Variants in MICU1 observed in about 807,000 individuals in gnomAD.
The protein encoded by MICU1 is calcium uptake protein 1, mitochondrial.
Under a neutral mutation model 56.8 loss-of-function variants are expected in MICU1, and 45 were observed. The observed-to-expected ratio is 0.79, with a 90% CI of 0.62 to 1.02. MICU1 has a LOEUF of 1.02. MICU1 is among the 50% of genes least tolerant of loss of function. The pLI, the probability that MICU1 is intolerant of heterozygous loss-of-function variation, is 0.00. For missense variants in MICU1, 504 were observed against 587.1 expected (o/e 0.86, Z 1.46); for synonymous variants, 186 against 195.1 (o/e 0.95, Z 0.39).
At chr10:72,416,266 C>T (rs183743730) in intron 9 of MICU1, among the ~76,000 whole-genome samples, 3 of 152,238 alleles carry the variant, frequency 2.0e-5, no homozygotes, top group Non-Finnish European at 2.9e-5. Flanking sequence ...TAGCTTAGTA[C>T]TCCTTTGGGG....
intron 6 of MICU1, among the ~76,000 whole-genome samples, chr10:72,485,694 T>C (rs1398212250): frequency 6.6e-6 from 1 of 151,982 alleles, no homozygotes; most frequent in Non-Finnish European, 1.5e-5. Flanking sequence ...CGGAAAATAC[T>C]TCTTAAAAGT....
intron 8 of MICU1, among the ~76,000 whole-genome samples, chr10:72,429,425 A>AAG (rs1322482540): frequency 1.5e-4 from 23 of 151,636 alleles, no homozygotes; most frequent in African/African-American, 5.6e-4. Context: ...GCCTCAAAAA[A>AAG]AAAAAAAAAA....
chr10:72,369,690 GT>G (rs371629187), intron 11 of MICU1, among the ~76,000 whole-genome samples: 10,026 of 146,300 alleles, frequency 0.069, 945 homozygotes, highest in African/African-American at 0.21. Context: ...GAGAGCATCT[GT>G]TTTTTTTTTT....
At chr10:72,530,930 T>C (rs1839464024) in intron 5 of MICU1, among the ~76,000 whole-genome samples, 1 of 152,210 alleles carries the variant, frequency 6.6e-6, no homozygotes, top group African/African-American at 2.4e-5. Flanking sequence ...CTTTCCTATT[T>C]TGCATCTGGA....
intron 8 of MICU1, among the ~76,000 whole-genome samples, chr10:72,462,373 T>G (rs900693795): frequency 6.6e-6 from 1 of 152,064 alleles, no homozygotes; most frequent in African/African-American, 2.4e-5. Context: ...TTCTGACTTA[T>G]GATGGATTTA....
At chr10:72,512,428 C>T (rs1165040432) in intron 5 of MICU1, among the ~76,000 whole-genome samples, 1 of 152,032 alleles carries the variant, frequency 6.6e-6, no homozygotes, top group Non-Finnish European at 1.5e-5. Flanking sequence ...CTCCTTAAGC[C>T]ATACTTAACT....
chr10:72,467,374 G>C (rs1865827016), intron 8 of MICU1, among the ~76,000 whole-genome samples: 1 of 151,998 alleles, frequency 6.6e-6, no homozygotes, highest in Non-Finnish European at 1.5e-5. Context: ...AGTATAGATG[G>C]GGTTTTGCCA....
chr10:72,446,864 C>T (rs1398840431), intron 8 of MICU1, among the ~76,000 whole-genome samples: 1 of 152,094 alleles, frequency 6.6e-6, no homozygotes, highest in Non-Finnish European at 1.5e-5. Context: ...ACAAAAGCTG[C>T]AAGTAATAAG....
rs1413241308 is a variant in MICU1 at position 72,516,142 on chromosome 10, G to C, written c.538-7873C>G. Among the ~76,000 whole-genome samples, 3 of 152,132 alleles carry C rather than the reference G, an allele frequency of 2.0e-5. No individual in the cohort carries two copies. The South Asian group carries it at 6.2e-4, about 32-fold the overall frequency. On this transcript the variant is annotated intron_variant, in intron 5 of 11. Coordinates refer to ENST00000361114, the MANE Select transcript of MICU1 (RefSeq NM_001195518.2). Reference sequence around the variant, plus strand: ...TAATGATTGCCATTCTAACTGGCACGAGATGGTATCTCATTGCGGTTTTGA... The same window carrying C: ...TAATGATTGCCATTCTAACTGGCACCAGATGGTATCTCATTGCGGTTTTGA...
chr10:72,445,751 C>A (rs941265227), intron 8 of MICU1, among the ~76,000 whole-genome samples: 7 of 152,100 alleles, frequency 4.6e-5, no homozygotes, highest in African/African-American at 1.7e-4. Flanking sequence ...CAACTGTGTA[C>A]TTCTGGGCAA....
intron 4 of MICU1, among the ~76,000 whole-genome samples, chr10:72,548,588 G>T (rs980079504): frequency 1.3e-5 from 2 of 152,196 alleles, no homozygotes; most frequent in Non-Finnish European, 2.9e-5. Context: ...GATGAAACAA[G>T]ATTGGCCATG....
chr10:72,417,243 G>A lies in MICU1; in HGVS notation c.1071+5991C>T, dbSNP rs913319182. On this transcript the variant is annotated intron_variant, in intron 9 of 11. Coordinates refer to ENST00000361114, the MANE Select transcript of MICU1 (RefSeq NM_001195518.2). ...CAAGGCGGGTGGATCACGAGGTCAG[G>A]AGATCGAGACCATCCTGGCTGACAT... is the stretch of plus-strand genomic sequence containing the variant. Among the ~76,000 whole-genome samples, 7 of 152,146 alleles carry A rather than the reference G, an allele frequency of 4.6e-5. No homozygotes were observed. In the East Asian group the frequency reaches 1.3e-3, roughly 29 times the overall value.
intron 4 of MICU1, among the ~76,000 whole-genome samples, chr10:72,548,898 T>C (rs1370791790): frequency 6.6e-6 from 1 of 152,184 alleles, no homozygotes; most frequent in East Asian, 1.9e-4. Context: ...GGTTTTGCCA[T>C]GTTGGCCAGG....
chr10:72,496,239 T>C (rs1866837963), intron 6 of MICU1, among the ~76,000 whole-genome samples: 1 of 151,864 alleles, frequency 6.6e-6, no homozygotes. Flanking sequence ...GCAATTATTC[T>C]GCCTCAGCCT....
chr10:72,456,048 C>G (rs943638165), intron 8 of MICU1, among the ~76,000 whole-genome samples: 22 of 152,294 alleles, frequency 1.4e-4, no homozygotes, highest in African/African-American at 5.3e-4. Context: ...GGTTGCAACT[C>G]TCTATTCACT....
At chr10:72,497,046 C>T (rs1866868325) in intron 6 of MICU1, among the ~76,000 whole-genome samples, 1 of 151,890 alleles carries the variant, frequency 6.6e-6, no homozygotes, top group Admixed American at 6.6e-5. Flanking sequence ...AATTCCCCAA[C>T]AAAACAAATA....
At chr10:72,403,877 G>C (rs1029057027) in intron 10 of MICU1, among the ~76,000 whole-genome samples, 5 of 151,932 alleles carry the variant, frequency 3.3e-5, no homozygotes, top group African/African-American at 9.7e-5. Context: ...GGATGGTCTC[G>C]ATCTCCTGAC....
intron 1 of MICU1, among the ~76,000 whole-genome samples, chr10:72,607,637 CAAAA>C (rs368820136): frequency 1.7e-5 from 1 of 59,902 alleles, no homozygotes; most frequent in Admixed American, 2.0e-4. Flanking sequence ...AACTCCATCT[CAAAA>C]AAAAAAAAAA....
chr10:72,585,835 T>C (rs1841033979), intron 1 of MICU1, among the ~76,000 whole-genome samples: 1 of 152,016 alleles, frequency 6.6e-6, no homozygotes, highest in Non-Finnish European at 1.5e-5. Flanking sequence ...GTATCTTATG[T>C]AAAATGGTAT....
Sources: allele counts gnomAD v4.1 joint callset (sites outside exome capture counted in the v4.1 genomes callset), GRCh38; gene constraint gnomAD v4.1.1; transcripts MANE v1.5; gene names NCBI Gene and HGNC (gene_info 2026-07-23, HGNC 2026-07-21).